LRRTM4: variants seen among roughly 807,000 people sequenced by gnomAD.
LRRTM4 encodes the protein leucine rich repeat transmembrane neuronal 4.
Under a neutral mutation model 47.6 loss-of-function variants are expected in LRRTM4, and 25 were observed. The observed-to-expected ratio is 0.53, with a 90% CI of 0.38 to 0.73. LRRTM4 has a LOEUF of 0.73. LRRTM4 is among the 30% of genes least tolerant of loss of function. The pLI, the probability that LRRTM4 is intolerant of heterozygous loss-of-function variation, is 0.00. For missense variants in LRRTM4, 638 were observed against 713.4 expected, an observed-to-expected ratio of 0.89 and a Z score of 1.20; for synonymous variants, 311 against 269.5, an observed-to-expected ratio of 1.15 and a Z score of -1.51.
At chr2:77,001,801 G>A (rs1385418292) in intron 3 of LRRTM4, among the ~76,000 whole-genome samples, 2 of 152,120 alleles carry the variant, frequency 1.3e-5, no homozygotes, top group East Asian at 3.9e-4. Context: ...AACTGCTTTA[G>A]TTCAACACTG....
At chr2:77,248,913 C>A (rs1362444977) in intron 3 of LRRTM4, among the ~76,000 whole-genome samples, 1 of 151,492 alleles carries the variant, frequency 6.6e-6, no homozygotes, top group Non-Finnish European at 1.5e-5. Flanking sequence ...ATCACAAACC[C>A]AAATATAAAA....
chr2:77,147,181 T>C (rs2103776039), intron 3 of LRRTM4, among the ~76,000 whole-genome samples: 1 of 152,314 alleles, frequency 6.6e-6, no homozygotes, highest in Non-Finnish European at 1.5e-5. Context: ...TTGTTAGTTC[T>C]TATATTTAGA....
At chr2:76,774,250 T>A (rs145458411) in intron 3 of LRRTM4, among the ~76,000 whole-genome samples, 3 of 151,968 alleles carry the variant, frequency 2.0e-5, no homozygotes, top group Non-Finnish European at 2.9e-5. Context: ...AGTGGTGCAA[T>A]CTTGGCTCAC....
intron 3 of LRRTM4, among the ~76,000 whole-genome samples, chr2:76,882,038 TAA>T (rs1282620207): frequency 6.6e-6 from 1 of 152,142 alleles, no homozygotes; most frequent in Admixed American, 6.5e-5. Context: ...CAATCTGGTG[TAA>T]AATTGAATTC....
At chr2:77,288,699 C>T (rs1019636512) in intron 3 of LRRTM4, among the ~76,000 whole-genome samples, 5 of 151,978 alleles carry the variant, frequency 3.3e-5, no homozygotes. Context: ...AGAATCTAAT[C>T]TTTAGAAGAA....
chr2:77,045,821 C>T (rs1446866843), intron 3 of LRRTM4, among the ~76,000 whole-genome samples: 1 of 151,910 alleles, frequency 6.6e-6, no homozygotes, highest in East Asian at 1.9e-4. Flanking sequence ...AATGGACAAG[C>T]ACAGCATTTT....
chr2:77,037,709 T>A (rs1026933068), intron 3 of LRRTM4, among the ~76,000 whole-genome samples: 3 of 151,700 alleles, frequency 2.0e-5, no homozygotes, highest in African/African-American at 7.2e-5. Context: ...ATACTCCCCA[T>A]TAGACACATT....
intron 3 of LRRTM4, among the ~76,000 whole-genome samples, chr2:77,015,796 C>T (rs1373524653): frequency 1.3e-5 from 2 of 152,054 alleles, no homozygotes; most frequent in Non-Finnish European, 2.9e-5. Flanking sequence ...GCCATGCTTA[C>T]CAAGGAGGAT....
chr2:76,793,790 T>C (rs988233739), intron 3 of LRRTM4, among the ~76,000 whole-genome samples: 4 of 152,132 alleles, frequency 2.6e-5, no homozygotes, highest in African/African-American at 7.2e-5. Flanking sequence ...GGAGGCAAAG[T>C]GCTGATTTCA....
intron 3 of LRRTM4, among the ~76,000 whole-genome samples, chr2:77,008,435 G>C (rs550281263): frequency 1.6e-4 from 24 of 152,116 alleles, no homozygotes; most frequent in Non-Finnish European, 3.2e-4. Context: ...AAATAATTTA[G>C]TTTTATTCAA....
chr2:77,501,583 CT>C (rs1261775293), intron 3 of LRRTM4, among the ~76,000 whole-genome samples: 1 of 150,570 alleles, frequency 6.6e-6, no homozygotes, highest in African/African-American at 2.4e-5. Flanking sequence ...TTGAGAGAAT[CT>C]TTGTACCATA....
At chr2:77,168,112 A>G (rs930669073) in intron 3 of LRRTM4, among the ~76,000 whole-genome samples, 1 of 152,088 alleles carries the variant, frequency 6.6e-6, no homozygotes, top group Non-Finnish European at 1.5e-5. Flanking sequence ...TTATGTGTGC[A>G]TGTGGTTTAA....
At chr2:76,821,987 T>C (rs1298585413) in intron 3 of LRRTM4, among the ~76,000 whole-genome samples, 2 of 151,614 alleles carry the variant, frequency 1.3e-5, no homozygotes, top group African/African-American at 4.8e-5. Flanking sequence ...TCTATGTTTG[T>C]TTTGGAAAAT....
At chr2:77,200,926 A>G (rs1673955984) in intron 3 of LRRTM4, among the ~76,000 whole-genome samples, 1 of 152,270 alleles carries the variant, frequency 6.6e-6, no homozygotes, top group Admixed American at 6.5e-5. Context: ...CTGCCTACTC[A>G]TGCCCACCAC....
chr2:77,403,762 C>A (rs1262913249), intron 3 of LRRTM4, among the ~76,000 whole-genome samples: 1 of 151,552 alleles, frequency 6.6e-6, no homozygotes, highest in African/African-American at 2.4e-5. Flanking sequence ...TTTAATCTGA[C>A]CCTAGCCCCG....
At chr2:76,767,408 C>T (rs529788332) in intron 3 of LRRTM4, among the ~76,000 whole-genome samples, 55 of 152,156 alleles carry the variant, frequency 3.6e-4, no homozygotes, top group Middle Eastern at 6.8e-3. Flanking sequence ...TGCTATAATT[C>T]GGGTAGTAAT....
At chr2:77,050,326 A>T (rs1679388415) in intron 3 of LRRTM4, among the ~76,000 whole-genome samples, 1 of 152,106 alleles carries the variant, frequency 6.6e-6, no homozygotes, top group Admixed American at 6.6e-5. Context: ...TGGCCCCAAC[A>T]TTGCCAATTC....
At chr2:77,096,975 A>C (rs1385129740) in intron 3 of LRRTM4, among the ~76,000 whole-genome samples, 1 of 151,870 alleles carries the variant, frequency 6.6e-6, no homozygotes, top group Non-Finnish European at 1.5e-5. Flanking sequence ...ACATATATAC[A>C]TATTATTTTA....
chr2:76,932,515 GGAA>G (rs1338985801), intron 3 of LRRTM4, among the ~76,000 whole-genome samples: 1 of 152,028 alleles, frequency 6.6e-6, no homozygotes, highest in Non-Finnish European at 1.5e-5. Context: ...AAATATTACA[GGAA>G]GAAGACGGTA....
Sources: allele counts gnomAD v4.1 joint callset (sites outside exome capture counted in the v4.1 genomes callset), GRCh38; gene constraint gnomAD v4.1.1; transcripts MANE v1.5; gene names NCBI Gene and HGNC (gene_info 2026-07-23, HGNC 2026-07-21).